The following KCMF1 variants were observed in gnomAD, a reference collection of about 807,000 sequenced individuals.
KCMF1 encodes E3 ubiquitin-protein ligase KCMF1.
In KCMF1, 3 loss-of-function variants were observed where a neutral mutation model predicts 41.1. The ratio of observed to expected loss-of-function variants is 0.07; its 90% confidence interval spans 0.03 to 0.19. The LOEUF (loss-of-function observed/expected upper bound fraction) is 0.19. Ranked by LOEUF, KCMF1 falls within the 10% of genes least tolerant of loss-of-function variation. The probability of loss-of-function intolerance (pLI) is 1.00; values close to 1 mark genes in which losing one functional copy is unlikely to be tolerated. For synonymous variants in KCMF1, 142 were observed against 164.5 expected (o/e 0.86, Z 1.04); for missense variants, 286 against 488.9 (o/e 0.58, Z 3.91).
intron 6 of KCMF1, among the ~76,000 whole-genome samples, chr2:85,050,927 G>T (rs1208000861): frequency 1.3e-5 from 2 of 152,136 alleles, no homozygotes; most frequent in African/African-American, 4.8e-5. Flanking sequence ...ACAAGTTTTG[G>T]ACCTCAGGCA....
chr2:85,019,628 C>CCT (rs1386700208), intron 1 of KCMF1, among the ~76,000 whole-genome samples: 1 of 151,864 alleles, frequency 6.6e-6, no homozygotes, highest in Non-Finnish European at 1.5e-5. Flanking sequence ...ACCAAAAAAC[C>CCT]CTCTGTAGCA....
intron 3 of KCMF1, among the ~76,000 whole-genome samples, chr2:85,043,207 G>C (rs1375018425): frequency 1.3e-5 from 2 of 152,202 alleles, no homozygotes; most frequent in African/African-American, 4.8e-5. Context: ...CCATAGGCTT[G>C]TATCTGTCTT....
Position 85,049,538 on chromosome 2 carries a change from T to C in KCMF1, c.774T>C (p.Thr258=), listed in dbSNP as rs1360134870. The change falls in exon 6 of 7, where the codon ACT becomes ACC. Residue 258 remains threonine (T), a synonymous_variant. Transcript: ENST00000409785. ...CCGCACGCAACGCAACCCGGCGTAC[T>C]AACACAAGCAGTGTCACCACTACAA... ...LETARNATRR[T]NTSSVTTTIT... 1 of 1,614,006 alleles carries C rather than the reference T, an allele frequency of 6.2e-7. No homozygotes were observed.
rs1200932250 is a variant in KCMF1, at chr2:85,057,430, G to A, written c.*4021G>A. The A allele has an allele frequency of 1.3e-5, 2 of 152,182 alleles. No individual in the cohort carries two copies. Among genetic ancestry groups the A allele is most frequent in the African/African-American group, 2.4e-5 (1 of 41,416 alleles). The allele number at this position is 152,182 out of a possible 1,614,324, so 9.4% of individuals were successfully genotyped here. A position where few individuals can be genotyped will look rare whatever the true frequency, so the allele number is the denominator to read the frequency against. ...GTAATTGAAACCCTATGCCTGGCCTGGAGTGGGTAGAGGTTAGGGTTAGAG... is the reference window on the plus strand; with the variant it reads ...GTAATTGAAACCCTATGCCTGGCCTAGAGTGGGTAGAGGTTAGGGTTAGAG... On this transcript the variant is annotated 3_prime_UTR_variant, in exon 7 of 7. Coordinates refer to ENST00000409785, the MANE Select transcript of KCMF1 (RefSeq NM_020122.5).
chr2:85,048,524 A>G (rs546320536), intron 5 of KCMF1, among the ~76,000 whole-genome samples: 18 of 152,214 alleles, frequency 1.2e-4, no homozygotes, highest in Admixed American at 3.9e-4. Flanking sequence ...AATGATAAAG[A>G]GTTTTTGCTG....
At chr2:85,043,807 C>T (rs1675600024) in intron 4 of KCMF1, 142 bp downstream of exon 4, 1 of 665,638 alleles carries the variant, frequency 1.5e-6, no homozygotes. Flanking sequence ...GCTTCAGCCT[C>T]TTGAGTAGCT....
intron 1 of KCMF1, among the ~76,000 whole-genome samples, chr2:85,022,870 TTATACTG>T (rs1288367318): frequency 6.6e-6 from 1 of 151,358 alleles, no homozygotes; most frequent in Non-Finnish European, 1.5e-5. Context: ...GTTTTCAACT[TTATACTG>T]TATGTATTCT....
chr2:85,050,851 C>G (rs1344759310), intron 6 of KCMF1, among the ~76,000 whole-genome samples: 2 of 152,152 alleles, frequency 1.3e-5, no homozygotes, highest in Admixed American at 6.5e-5. Flanking sequence ...TTATAAATAA[C>G]ATATTGTGGG....
At chr2:85,022,886 C>CTTTTTTTTT (rs34732141) in intron 1 of KCMF1, among the ~76,000 whole-genome samples, 2 of 111,768 alleles carry the variant, frequency 1.8e-5, no homozygotes, top group Non-Finnish European at 3.5e-5. Flanking sequence ...TGTATGTATT[C>CTTTTTTTTT]TTTTTTTTTT....
intron 2 of KCMF1, among the ~76,000 whole-genome samples, chr2:85,032,725 T>C (rs977962883): frequency 6.6e-6 from 1 of 152,160 alleles, no homozygotes; most frequent in African/African-American, 2.4e-5. Context: ...TTGGCCAGGC[T>C]GGTCTTGAAC....
intron 1 of KCMF1, among the ~76,000 whole-genome samples, chr2:84,983,443 CA>C (rs1368259085): frequency 6.6e-6 from 1 of 152,064 alleles, no homozygotes; most frequent in Admixed American, 6.6e-5. Flanking sequence ...TCTCATACCT[CA>C]ATCTCCTGAG....
chr2:84,973,857 C>G (rs1204371602), intron 1 of KCMF1, among the ~76,000 whole-genome samples: 2 of 121,346 alleles, frequency 1.6e-5, no homozygotes, highest in Non-Finnish European at 3.2e-5. Flanking sequence ...TAGCTGGAGT[C>G]TCACTCTGTC....
At chr2:85,021,268 G>A (rs1428940375) in intron 1 of KCMF1, among the ~76,000 whole-genome samples, 2 of 152,148 alleles carry the variant, frequency 1.3e-5, no homozygotes, top group Non-Finnish European at 2.9e-5. Context: ...AGGATATTTT[G>A]AAAACTAATT....
chr2:85,040,817 G>A (rs1459914205), intron 3 of KCMF1, among the ~76,000 whole-genome samples: 1 of 150,802 alleles, frequency 6.6e-6, no homozygotes, highest in African/African-American at 2.4e-5. Flanking sequence ...CTGGAGTGCA[G>A]TGGTGCGATC....
chr2:85,044,395 G>A (rs543182743), intron 4 of KCMF1, among the ~76,000 whole-genome samples: 72 of 151,220 alleles, frequency 4.8e-4, no homozygotes, highest in Middle Eastern at 3.4e-3. Context: ...TTTTTTAAAA[G>A]TCGGAGTCTT....
chr2:84,986,851 C>G (rs1574007670), intron 1 of KCMF1, among the ~76,000 whole-genome samples: 1 of 152,138 alleles, frequency 6.6e-6, no homozygotes, highest in East Asian at 1.9e-4. Context: ...CACTGTACTC[C>G]AGCCTGGGCG....
chr2:84,971,280 CG>C lies in KCMF1; in HGVS notation c.-171del. On this transcript the variant is annotated 5_prime_UTR_variant, in exon 1 of 7. Coordinates refer to ENST00000409785, the MANE Select transcript of KCMF1 (RefSeq NM_020122.5). ...CCATTCCCGCCCCGCGCCGCCTCCC[CG>C]CCGCCGCCGCCGCCGCCGCCGCGGG... 1.9e-5 allele frequency: 3 copies of C among 155,988 alleles called. No homozygotes were observed. The highest frequency in any genetic ancestry group is 4.0e-5 in the Non-Finnish European group (3 of 74,454). The allele number at this position is 155,988 out of a possible 1,614,324, so 9.7% of individuals were successfully genotyped here. A position where few individuals can be genotyped will look rare whatever the true frequency, so the allele number is the denominator to read the frequency against.
chr2:85,036,099 T>C (rs1675396292), intron 3 of KCMF1, among the ~76,000 whole-genome samples: 1 of 152,156 alleles, frequency 6.6e-6, no homozygotes, highest in Non-Finnish European at 1.5e-5. Flanking sequence ...GCTATGCATA[T>C]AATATAGGGT....
chr2:85,039,669 A>C (rs754069570), intron 3 of KCMF1, among the ~76,000 whole-genome samples: 2 of 152,138 alleles, frequency 1.3e-5, no homozygotes, highest in South Asian at 4.1e-4. Context: ...ACCTCATCTC[A>C]ATTGGTAAAG....
Sources: allele counts gnomAD v4.1 joint callset (sites outside exome capture counted in the v4.1 genomes callset), GRCh38; gene constraint gnomAD v4.1.1; transcripts MANE v1.5; gene names NCBI Gene and HGNC (gene_info 2026-07-23, HGNC 2026-07-21).